The following CDH13 variants were observed in gnomAD, a reference collection of about 807,000 sequenced individuals.
CDH13 encodes cadherin 13.
CDH13 carries 24 observed loss-of-function variants against 63.8 expected under a neutral mutation model. The observed-to-expected ratio is 0.38, with a 90% CI of 0.27 to 0.53. The LOEUF (loss-of-function observed/expected upper bound fraction) is 0.53, where lower values mean the gene tolerates loss of function less well. Among genes scored for constraint, CDH13 ranks in the 20% least tolerant of loss-of-function variants. The pLI, the probability that CDH13 is intolerant of heterozygous loss-of-function variation, is 0.85. For missense variants in CDH13, 1,049 were observed against 903.1 expected (o/e 1.16, Z -2.07); for synonymous variants, 503 against 355.3 (o/e 1.42, Z -4.67).
At chr16:83,454,080 A>G (rs1049079257) in intron 6 of CDH13, among the ~76,000 whole-genome samples, 3 of 152,202 alleles carry the variant, frequency 2.0e-5, no homozygotes, top group Non-Finnish European at 4.4e-5. Flanking sequence ...GGAAAAATTG[A>G]TTCAGTCTGC....
intron 5 of CDH13, among the ~76,000 whole-genome samples, chr16:83,329,608 T>G (rs979147860): frequency 3.3e-5 from 5 of 152,158 alleles, no homozygotes; most frequent in African/African-American, 1.2e-4. Context: ...GTGTTAAATT[T>G]TTTCATGCTA....
chr16:82,998,889 G>C (rs1199649310), intron 2 of CDH13, among the ~76,000 whole-genome samples: 1 of 118,072 alleles, frequency 8.5e-6, no homozygotes. Flanking sequence ...TGCAGATACT[G>C]CCCCTTCTCA....
At chr16:83,396,566 C>T (rs2091889758) in intron 6 of CDH13, 2 of 152,058 alleles carry the variant, frequency 1.3e-5, no homozygotes, top group Admixed American at 6.6e-5. Context: ...TTTTATGTCC[C>T]TGAAGGGTTA....
intron 9 of CDH13, among the ~76,000 whole-genome samples, chr16:83,676,414 G>C (rs1914960036): frequency 6.6e-6 from 1 of 152,182 alleles, no homozygotes; most frequent in African/African-American, 2.4e-5. Flanking sequence ...GCAAGCCAAA[G>C]GCTCTGTCCC....
chr16:82,729,642 A>G (rs975798578), intron 1 of CDH13, among the ~76,000 whole-genome samples: 4 of 152,164 alleles, frequency 2.6e-5, no homozygotes, highest in Non-Finnish European at 2.9e-5. Flanking sequence ...GATTTTCAGA[A>G]TGGTCAATGA....
intron 6 of CDH13, among the ~76,000 whole-genome samples, chr16:83,486,148 A>AAGAAATAAAAAAT (rs2073883870): frequency 6.6e-6 from 1 of 152,120 alleles, no homozygotes; most frequent in African/African-American, 2.4e-5. Context: ...GTCTAAAAAA[A>AAGAAATAAAAAAT]TGAATGTCCC....
chr16:83,046,817 A>G (rs1379298613), intron 3 of CDH13, among the ~76,000 whole-genome samples: 5 of 152,070 alleles, frequency 3.3e-5, no homozygotes, highest in African/African-American at 4.8e-5. Flanking sequence ...TTCCTCTCCA[A>G]CCTTGTTACA....
chr16:82,751,195 G>T (rs1346731459), intron 1 of CDH13, among the ~76,000 whole-genome samples: 1 of 152,216 alleles, frequency 6.6e-6, no homozygotes, highest in Non-Finnish European at 1.5e-5. Context: ...AGCTTACAGA[G>T]AAGGGCAGAT....
At chr16:83,010,491 G>T (rs1030082085) in intron 2 of CDH13, among the ~76,000 whole-genome samples, 3 of 152,044 alleles carry the variant, frequency 2.0e-5, no homozygotes, top group African/African-American at 4.8e-5. Flanking sequence ...ACTTTCTCCT[G>T]ATTTATCTCC....
intron 1 of CDH13, among the ~76,000 whole-genome samples, chr16:82,839,222 G>T (rs1321648998): frequency 6.6e-6 from 1 of 152,116 alleles, no homozygotes; most frequent in African/African-American, 2.4e-5. Context: ...TTCTCAGGGA[G>T]CCCCCTCCAT....
intron 6 of CDH13, among the ~76,000 whole-genome samples, chr16:83,380,052 T>C (rs1310741086): frequency 6.6e-6 from 1 of 151,668 alleles, no homozygotes; most frequent in Non-Finnish European, 1.5e-5. Context: ...ACATAAAATA[T>C]ACCATATTAT....
chr16:83,685,383 A>G (rs887314122), intron 10 of CDH13, among the ~76,000 whole-genome samples: 2 of 152,190 alleles, frequency 1.3e-5, no homozygotes, highest in Middle Eastern at 3.2e-3. Flanking sequence ...AAAGGGAAAA[A>G]TATCCCATGA....
chr16:82,895,316 C>T (rs952803445), intron 2 of CDH13, among the ~76,000 whole-genome samples: 1 of 152,148 alleles, frequency 6.6e-6, no homozygotes, highest in African/African-American at 2.4e-5. Flanking sequence ...CAATTGTGTC[C>T]TTCCCTGGCT....
chr16:83,111,761 A>G (rs992853155), intron 3 of CDH13, among the ~76,000 whole-genome samples: 3 of 152,242 alleles, frequency 2.0e-5, no homozygotes, highest in Non-Finnish European at 4.4e-5. Flanking sequence ...ACTTGGCTTC[A>G]ACAAGAATTC....
At chr16:83,117,986 C>T (rs76713658) in intron 3 of CDH13, among the ~76,000 whole-genome samples, 2,236 of 152,304 alleles carry the variant, frequency 0.015, 49 homozygotes, top group African/African-American at 0.051. Flanking sequence ...TGCATGAAAC[C>T]GGAGATCTTT....
intron 2 of CDH13, among the ~76,000 whole-genome samples, chr16:82,892,779 A>T (rs1294860841): frequency 6.6e-6 from 1 of 152,182 alleles, no homozygotes; most frequent in Non-Finnish European, 1.5e-5. Flanking sequence ...TTTTCAAATT[A>T]CTAAAAGCAT....
At chr16:83,680,236 C>T (rs779641936) in intron 10 of CDH13, among the ~76,000 whole-genome samples, 23 of 152,182 alleles carry the variant, frequency 1.5e-4, no homozygotes, top group Admixed American at 2.0e-4. Flanking sequence ...TAGTGTCACT[C>T]GGCCCATGGT....
At chr16:82,831,878 G>C (rs1283717470) in intron 1 of CDH13, among the ~76,000 whole-genome samples, 2 of 152,122 alleles carry the variant, frequency 1.3e-5, no homozygotes, top group Non-Finnish European at 2.9e-5. Context: ...ACCATATCTA[G>C]GTAAACCCAT....
chr16:83,114,516 C>T (rs1440908379), intron 3 of CDH13, among the ~76,000 whole-genome samples: 1 of 152,184 alleles, frequency 6.6e-6, no homozygotes, highest in Non-Finnish European at 1.5e-5. Context: ...CCCTCACACC[C>T]CCTGCCATGA....
Sources: gnomAD v4.1 joint callset for allele counts (sites outside exome capture counted in the v4.1 genomes callset) on GRCh38, gnomAD v4.1.1 for gene constraint, MANE v1.5 for transcripts, NCBI Gene and HGNC (gene_info 2026-07-23, HGNC 2026-07-21) for gene names.